ZNF496: variants seen among roughly 807,000 people sequenced by gnomAD.
The protein encoded by ZNF496 is zinc finger protein 496.
A neutral mutation model predicts 58.9 loss-of-function variants in ZNF496; 11 were observed. The observed-to-expected ratio is 0.19, with a 90% confidence interval of 0.12 to 0.31. The LOEUF (loss-of-function observed/expected upper bound fraction) is 0.31. ZNF496 is among the 10% of genes least tolerant of loss of function. The pLI is 1.00. For missense variants in ZNF496, 660 were observed against 783.0 expected, an observed-to-expected ratio of 0.84 and a Z score of 1.88; for synonymous variants, 338 against 318.2, an observed-to-expected ratio of 1.06 and a Z score of -0.66.
chr1:247,300,377 G>A lies in ZNF496; in HGVS notation c.*142C>T. The A allele has an allele frequency of 2.3e-6, 2 of 857,036 alleles. No homozygotes were observed. The highest frequency in any genetic ancestry group is 1.7e-6 in the Non-Finnish European group (1 of 593,752). The allele number at this position is 857,036 out of a possible 1,614,324, so 53.1% of individuals were successfully genotyped here. On this transcript the variant is annotated 3_prime_UTR_variant, in exon 10 of 10. Transcript: ENST00000682384. This position sits in a 1 kb window ranked among gnomAD's most constrained non-coding sequence, Gnocchi z 5.7. ...GGAGAGTGCTCCCATGGCACCACCC[G>A]AACGCTCACTACCTGAGAGCAAGGA...
rs139241106 is a variant in ZNF496, at chr1:247,328,636, G to A, written c.574+47C>T. ...CCACACCCAGTGCACAGTATGGGGT[G>A]TGCACTTCCCCAGATCACCCCTGCT... On this transcript the variant is annotated intron_variant, in intron 5 of 9. Coordinates refer to ENST00000682384, the MANE Select transcript of ZNF496 (RefSeq NM_032752.3). 457 of 1,504,226 alleles carry A rather than the reference G, an allele frequency of 3.0e-4. 2 individuals carry two copies. The African/African-American group carries it at 5.7e-3, about 19-fold the overall frequency. The allele number at this position is 1,504,226 out of a possible 1,614,324, so 93.2% of individuals were successfully genotyped here.
chr1:247,309,605 G>A lies in ZNF496; in HGVS notation c.892+94C>T, dbSNP rs1471508589. 3.9e-6 allele frequency: 6 copies of A among 1,538,386 alleles called. No individual in the cohort carries two copies. Among genetic ancestry groups the A allele is most frequent in the Non-Finnish European group, 5.3e-6 (6 of 1,141,298 alleles). ...CTGGGGAAATGAAGAAGGCAATTAG[G>A]GGCCGCAGAGAGAAGCCAGAGAGTG... On this transcript the variant is annotated intron_variant, in intron 8 of 9. Transcript: ENST00000682384. This position sits in a 1 kb window ranked among gnomAD's most constrained non-coding sequence, Gnocchi z 4.3.
intron 6 of ZNF496, among the ~76,000 whole-genome samples, chr1:247,316,216 C>G (rs1327890274): frequency 1.1e-5 from 1 of 90,618 alleles, no homozygotes; most frequent in Non-Finnish European, 2.4e-5. Context: ...CGCGCGTGCG[C>G]GTGTGTGTGT....
intron 9 of ZNF496, chr1:247,307,114 T>C (rs1378075245): frequency 1.0e-6 from 1 of 985,310 alleles, no homozygotes; most frequent in Non-Finnish European, 1.2e-6. Flanking sequence ...TGTAGTAGCA[T>C]TATTTGATTG....
At position 247,306,720 on chromosome 1, in the gene ZNF496, T is replaced by G. The variant is rs113784971; in HGVS notation, c.1006+1755A>C. ...TTCGCCATGTTGGCCAGGCTGGTCT[T>G]GAACTCCTAACCTCAGGCGATCTGC... On this transcript the variant is annotated intron_variant, in intron 9 of 9. Transcript: ENST00000682384. Among the ~76,000 whole-genome samples, 177 of 152,156 alleles carry G rather than the reference T, an allele frequency of 1.2e-3. No individual in the cohort carries two copies. In the Middle Eastern group the frequency reaches 0.017, roughly 15 times the overall value.
intron 6 of ZNF496, chr1:247,322,888 A>G (rs551357429): frequency 3.1e-6 from 3 of 961,628 alleles, no homozygotes; most frequent in Non-Finnish European, 4.5e-6. Flanking sequence ...ATGGGGACTC[A>G]TGGGCCTTTG....
In ZNF496 at chr1:247,301,167, T is replaced by C. The variant is rs1659224088; in HGVS notation, c.1116A>G (p.Thr372=). The change falls in exon 10 of 10, where the codon ACA becomes ACG. Residue 372 remains threonine, a synonymous_variant. Transcript: ENST00000682384. ...DEDSQHGPYC[T]EELGSPTEKQ... ...TCTCTGTGGGGCTCCCCAGCTCTTC[T>C]GTGCAGTACGGGCCATGCTGGGAGT... 3 of 1,611,140 alleles carry C rather than the reference T, an allele frequency of 1.9e-6. No individual in the cohort carries two copies. The highest frequency in any genetic ancestry group is 2.7e-5 in the African/African-American group (2 of 74,718).
In ZNF496 at chr1:247,326,145, CAT is replaced by C. The variant is rs71568611; in HGVS notation, c.574+2536_574+2537del. On this transcript the variant is annotated intron_variant, in intron 5 of 9. Coordinates refer to ENST00000682384, the MANE Select transcript of ZNF496 (RefSeq NM_032752.3). ...ATACATACATATATATATATACACA[CAT>C]ATATATATATATATATGAATATGTA... is the stretch of plus-strand genomic sequence containing the variant. Among the ~76,000 whole-genome samples, 646 of 146,410 alleles carry C rather than the reference CAT, an allele frequency of 4.4e-3. 15 individuals are homozygous for C. In the East Asian group the frequency reaches 0.069, roughly 16 times the overall value.
chr1:247,310,191 T>TG (rs1192671794), intron 7 of ZNF496, 133 bp downstream of exon 7: 11 of 1,492,932 alleles, frequency 7.4e-6, no homozygotes, highest in Non-Finnish European at 8.0e-6. Flanking sequence ...CTGTCCAGGT[T>TG]GGGGGTGAAC....
At chr1:247,307,498 C>A in intron 9 of ZNF496, 1 of 985,408 alleles carries the variant, frequency 1.0e-6, no homozygotes, top group Non-Finnish European at 1.2e-6. Context: ...ATCAGGCCTG[C>A]GCTTGAACTC....
rs768707196 is a variant in ZNF496, at chr1:247,323,218, G to C, written c.587C>G (p.Ala196Gly). Reference protein sequence around the residue: ...QLSGDPVLQDAFLLQEENVRD... With the variant: ...QLSGDPVLQDGFLLQEENVRD... ...CACATTCTCTTCCTGAAGAAGGAAA[G>C]CATCTTGCAGAACTGAAAGAGATCA... The change falls in exon 6 of 10, where the codon GCT becomes GGT. Residue 196 changes from alanine to glycine, a missense_variant. Coordinates refer to ENST00000682384, the MANE Select transcript of ZNF496 (RefSeq NM_032752.3). 24 of 1,613,870 alleles carry C rather than the reference G, an allele frequency of 1.5e-5. No homozygotes were observed.
chr1:247,325,692 G>C (rs370306582), intron 5 of ZNF496, among the ~76,000 whole-genome samples: 2 of 151,982 alleles, frequency 1.3e-5, no homozygotes, highest in African/African-American at 4.8e-5. Flanking sequence ...GTGGGTTCTC[G>C]CTATGTTGCC....
intron 9 of ZNF496, among the ~76,000 whole-genome samples, chr1:247,304,959 G>A (rs1659364646): frequency 6.6e-6 from 1 of 152,188 alleles, no homozygotes; most frequent in Admixed American, 6.5e-5. Flanking sequence ...TTGGGATGAG[G>A]TGAATGGATT....
At position 247,326,091 on chromosome 1, in the gene ZNF496, CACACACAT is replaced by C. The variant is rs1350418385; in HGVS notation, c.574+2584_574+2591del. Reference sequence around the variant, plus strand: ...ATATACACACACACACACATATATACACACACATATATATACACACACATATATATACA... The same window carrying C: ...ATATACACACACACACACATATATACATATATACACACACATATATATACA... On this transcript the variant is annotated intron_variant, in intron 5 of 9. Transcript: ENST00000682384. Among the ~76,000 whole-genome samples the C allele has an allele frequency of 2.1e-4, 31 of 146,826 alleles. 2 individuals carry two copies. The highest frequency in any genetic ancestry group is 7.1e-3 in the Middle Eastern group (2 of 282).
chr1:247,327,281 C>G (rs991985460), intron 5 of ZNF496, among the ~76,000 whole-genome samples: 1 of 152,222 alleles, frequency 6.6e-6, no homozygotes, highest in Non-Finnish European at 1.5e-5. Context: ...CCAGGCTGGT[C>G]TCGAACTCCT....
intron 9 of ZNF496, among the ~76,000 whole-genome samples, chr1:247,305,821 A>G (rs78336970): frequency 6.6e-6 from 1 of 152,248 alleles, no homozygotes; most frequent in Non-Finnish European, 1.5e-5. Flanking sequence ...ACACGCCTGT[A>G]GTCTCCCCAG....
rs1558438240 is a variant in ZNF496, at chr1:247,308,539, C to T, written c.942G>A (p.Glu314=). 6.8e-6 allele frequency: 11 copies of T among 1,614,186 alleles called. No homozygotes were observed. Among genetic ancestry groups the T allele is most frequent in the Non-Finnish European group, 8.5e-6 (10 of 1,180,028 alleles). The part of the protein sequence containing the change: ...PFQVEERRKR[E]ELQVPEFQAC... Reference sequence around the variant, plus strand: ...CCTGGAACTCTGGCACCTGCAGCTCCTCACGTTTCCTTCTTTCTTCTACCT... The same window carrying T: ...CCTGGAACTCTGGCACCTGCAGCTCTTCACGTTTCCTTCTTTCTTCTACCT... Residue 314 remains glutamate, a synonymous_variant, in exon 9 of 10, where the codon GAG becomes GAA. Transcript: ENST00000682384. The surrounding 1 kb of genome is among the most constrained non-coding windows in gnomAD (Gnocchi z 4.5).
rs906303136 is a variant in ZNF496, at chr1:247,308,172, A to G, written c.1006+303T>C. 5 of 311,330 alleles carry G rather than the reference A, an allele frequency of 1.6e-5. No homozygotes were observed. The highest frequency in any genetic ancestry group is 2.3e-5 in the Non-Finnish European group (5 of 213,800). 19.3% of individuals were successfully genotyped at this position (311,330 alleles called of 1,614,324 possible). On this transcript the variant is annotated intron_variant, in intron 9 of 9. Coordinates refer to ENST00000682384, the MANE Select transcript of ZNF496 (RefSeq NM_032752.3). The surrounding 1 kb of genome is among the most constrained non-coding windows in gnomAD (Gnocchi z 4.5). The stretch of plus-strand genomic sequence containing the variant: ...TGGAGAATGACCCCAGCACAACGGA[A>G]TCAGGGCAAGCAGCTAAGAACACCA...
intron 6 of ZNF496, among the ~76,000 whole-genome samples, chr1:247,322,394 A>G (rs1052934596): frequency 6.6e-6 from 1 of 152,228 alleles, no homozygotes; most frequent in Admixed American, 6.5e-5. Context: ...TGTTTTTCAC[A>G]GTTTTCTGTT....
Sources: gnomAD v4.1 joint callset for allele counts (sites outside exome capture counted in the v4.1 genomes callset) on GRCh38, gnomAD v4.1.1 for gene constraint, Gnocchi (gnomAD v3.1) non-coding constraint, MANE v1.5 for transcripts, NCBI Gene and HGNC (gene_info 2026-07-23, HGNC 2026-07-21) for gene names.